The following TTC7B variants were observed in gnomAD, a reference collection of about 807,000 sequenced individuals.
TTC7B encodes the protein tetratricopeptide repeat protein 7B.
In TTC7B, 28 loss-of-function variants were observed where a neutral mutation model predicts 106.8. That is an observed-to-expected ratio of 0.26 (90% CI 0.19 to 0.36). The LOEUF is 0.36. Among genes scored for constraint, TTC7B ranks in the 10% least tolerant of loss-of-function variants. TTC7B has a pLI of 1.00. For missense variants in TTC7B, 862 were observed against 1,076.4 expected, an observed-to-expected ratio of 0.80 and a Z score of 2.79; for synonymous variants, 405 against 430.6, an observed-to-expected ratio of 0.94 and a Z score of 0.74.
intron 19 of TTC7B, among the ~76,000 whole-genome samples, chr14:90,572,003 T>C (rs539795437): frequency 6.6e-6 from 1 of 152,266 alleles, no homozygotes; most frequent in African/African-American, 2.4e-5. Context: ...CTGGAAAACA[T>C]GGTGCCAACT....
chr14:90,759,645 G>A lies in TTC7B; in HGVS notation c.446-14723C>T, dbSNP rs1006992540. 2.6e-5 allele frequency among the ~76,000 whole-genome samples: 4 copies of A among 152,240 alleles called. No individual in the cohort carries two copies. Among genetic ancestry groups the A allele is most frequent in the Admixed American group, 2.6e-4 (4 of 15,292 alleles). ...TTGACAAATTGAGATGAACCAGCTCGTCGGTGAGTGTAGGCAGAAGAGGCA... is the reference window on the plus strand; with the variant it reads ...TTGACAAATTGAGATGAACCAGCTCATCGGTGAGTGTAGGCAGAAGAGGCA... On this transcript the variant is annotated intron_variant, in intron 3 of 19. Transcript: ENST00000328459. This position sits in a 1 kb window ranked among gnomAD's most constrained non-coding sequence, Gnocchi z 4.1.
At chr14:90,571,946 A>C (rs1193913911) in intron 19 of TTC7B, among the ~76,000 whole-genome samples, 1 of 152,226 alleles carries the variant, frequency 6.6e-6, no homozygotes, top group Non-Finnish European at 1.5e-5. Context: ...GCCCCCTGGG[A>C]AGTTCATCAT....
In TTC7B at chr14:90,600,293, G is replaced by A. The variant is rs963546948; in HGVS notation, c.1967-6667C>T. ...CTGCTTTCTGAGGAGGCGACTCCAG[G>A]TGGTGGCTCCTTGCACCGCGCTGTC... On this transcript the variant is annotated intron_variant, in intron 17 of 19. Transcript: ENST00000328459. This position sits in a 1 kb window ranked among gnomAD's most constrained non-coding sequence, Gnocchi z 4.3. Among the ~76,000 whole-genome samples, 3 of 152,200 alleles carry A rather than the reference G, an allele frequency of 2.0e-5. No homozygotes were observed. Among genetic ancestry groups the A allele is most frequent in the Non-Finnish European group, 4.4e-5 (3 of 68,030 alleles).
At chr14:90,636,647 T>C (rs2139871540) in intron 15 of TTC7B, among the ~76,000 whole-genome samples, 1 of 152,150 alleles carries the variant, frequency 6.6e-6, no homozygotes, top group South Asian at 2.1e-4. Context: ...AAGTAACCAC[T>C]GGGCCACAAA....
chr14:90,634,460 T>A (rs557062246), intron 15 of TTC7B, among the ~76,000 whole-genome samples: 1 of 151,826 alleles, frequency 6.6e-6, no homozygotes, highest in East Asian at 1.9e-4. Context: ...AAAAGACCTA[T>A]CTGCTATTTA....
intron 9 of TTC7B, among the ~76,000 whole-genome samples, chr14:90,664,901 T>C (rs1886350800): frequency 6.6e-6 from 1 of 151,816 alleles, no homozygotes; most frequent in Admixed American, 6.5e-5. Flanking sequence ...AAAGCAAGAG[T>C]AGATCTTCAG....
intron 3 of TTC7B, among the ~76,000 whole-genome samples, chr14:90,772,163 A>G (rs1890888293): frequency 6.6e-6 from 1 of 152,004 alleles, no homozygotes; most frequent in African/African-American, 2.4e-5. Context: ...GAAGGAAAGC[A>G]TACAGGTACC....
chr14:90,628,067 G>C, intron 15 of TTC7B, among the ~76,000 whole-genome samples: 1 of 152,232 alleles, frequency 6.6e-6, no homozygotes, highest in Non-Finnish European at 1.5e-5. Flanking sequence ...GGCTACCTGA[G>C]CGCATGGTGT....
chr14:90,559,010 T>C (rs1890453571), intron 19 of TTC7B, among the ~76,000 whole-genome samples: 1 of 152,216 alleles, frequency 6.6e-6, no homozygotes, highest in Admixed American at 6.5e-5. Flanking sequence ...GCACCTTCTT[T>C]CTTCACACAA....
intron 3 of TTC7B, among the ~76,000 whole-genome samples, chr14:90,755,192 G>A (rs1890250859): frequency 6.6e-6 from 1 of 152,174 alleles, no homozygotes; most frequent in South Asian, 2.1e-4. Flanking sequence ...CTCTTGTGTG[G>A]GCACACATTT....
intron 7 of TTC7B, among the ~76,000 whole-genome samples, chr14:90,684,118 C>T (rs867384501): frequency 1.2e-4 from 18 of 152,190 alleles, no homozygotes; most frequent in South Asian, 8.3e-4. Flanking sequence ...TTACCTTTTC[C>T]GCCGAGACCT....
rs1019620857 is a variant in TTC7B, at chr14:90,678,070, A to G, written c.1015-1410T>C. Among the ~76,000 whole-genome samples the G allele has an allele frequency of 2.0e-5, 3 of 152,254 alleles. 1 individual carries two copies. Among genetic ancestry groups the G allele is most frequent in the Admixed American group, 1.3e-4 (2 of 15,288 alleles). ...CCATACTGAGACCAATGCCTGGAAG[A>G]GAACAAAACAAACATACTATTTATG... On this transcript the variant is annotated intron_variant, in intron 8 of 19. Coordinates refer to ENST00000328459, the MANE Select transcript of TTC7B (RefSeq NM_001010854.2).
At chr14:90,664,711 G>A (rs756906743) in intron 9 of TTC7B, among the ~76,000 whole-genome samples, 1 of 152,214 alleles carries the variant, frequency 6.6e-6, no homozygotes, top group Non-Finnish European at 1.5e-5. Flanking sequence ...AGGGCGTGAG[G>A]ACAAAAAGAG....
chr14:90,541,543 A>C lies in TTC7B; in HGVS notation c.2357T>G (p.Ile786Ser), dbSNP rs887919681. The C allele has an allele frequency of 6.2e-7, 1 of 1,611,730 alleles. No homozygotes were observed. ...GTTCACCTGCACCGCGTCCCGGAGG[A>C]TCTTCTCCGCCAGACTGTAGCGGCC... ...QLGRYSLAEK[I>S]LRDAVQVNST... Residue 786 changes from isoleucine (I) to serine (S), a missense_variant, in exon 20 of 20, where the codon ATC (isoleucine) becomes AGC (serine). Coordinates refer to ENST00000328459, the MANE Select transcript of TTC7B (RefSeq NM_001010854.2).
intron 6 of TTC7B, among the ~76,000 whole-genome samples, chr14:90,694,856 CATAT>C (rs1321404806): frequency 7.7e-6 from 1 of 129,372 alleles, no homozygotes; most frequent in Non-Finnish European, 1.6e-5. Flanking sequence ...ATATATGTGA[CATAT>C]ATGTACATAA....
intron 5 of TTC7B, among the ~76,000 whole-genome samples, chr14:90,722,859 G>T (rs533772890): frequency 1.3e-5 from 2 of 152,210 alleles, no homozygotes; most frequent in African/African-American, 4.8e-5. Context: ...TCCACCTCTG[G>T]CAGTTCCTTC....
intron 3 of TTC7B, among the ~76,000 whole-genome samples, chr14:90,763,768 A>C (rs1890583046): frequency 6.6e-6 from 1 of 152,190 alleles, no homozygotes; most frequent in African/African-American, 2.4e-5. Context: ...ATAAAAAAGA[A>C]CTCTTAGAAT....
intron 15 of TTC7B, among the ~76,000 whole-genome samples, chr14:90,641,960 T>TGG (rs1450787236): frequency 6.6e-6 from 1 of 151,304 alleles, no homozygotes; most frequent in East Asian, 1.9e-4. Flanking sequence ...TGTGTGTGTG[T>TGG]GTTGGAGGGT....
intron 17 of TTC7B, among the ~76,000 whole-genome samples, chr14:90,606,444 T>C (rs1207943995): frequency 1.3e-5 from 2 of 152,194 alleles, no homozygotes; most frequent in African/African-American, 4.8e-5. Context: ...GTTGGATAGG[T>C]ATTTGTTGAT....
Sources: allele counts gnomAD v4.1 joint callset (sites outside exome capture counted in the v4.1 genomes callset), GRCh38; gene constraint gnomAD v4.1.1; non-coding constraint Gnocchi (gnomAD v3.1); transcripts MANE v1.5; gene names NCBI Gene and HGNC (gene_info 2026-07-23, HGNC 2026-07-21).